The following CLASP1 variants were observed in gnomAD, a reference collection of about 807,000 sequenced individuals.
CLASP1 encodes the protein cytoplasmic linker associated protein 1, also known as CLIP-associating protein 1.
A neutral mutation model predicts 192.3 loss-of-function variants in CLASP1; 38 were observed. The observed-to-expected ratio is 0.20, with a 90% CI of 0.15 to 0.26. The LOEUF is 0.26. CLASP1 is among the 10% of genes least tolerant of loss of function. The pLI, the probability that CLASP1 is intolerant of heterozygous loss-of-function variation, is 1.00. For missense variants in CLASP1, 1,433 were observed against 1,932.5 expected, an observed-to-expected ratio of 0.74 and a Z score of 4.85; for synonymous variants, 691 against 712.8, an observed-to-expected ratio of 0.97 and a Z score of 0.49.
chr2:121,429,942 C>T, intron 20 of CLASP1, 131 bp downstream of exon 20: 2 of 647,208 alleles, frequency 3.1e-6, no homozygotes, highest in South Asian at 4.1e-5. Flanking sequence ...TAAGATTACT[C>T]ACAGTATCTC....
In CLASP1 at chr2:121,550,234, G is replaced by A. The variant is rs544954683; in HGVS notation, c.196-19909C>T. The stretch of plus-strand genomic sequence containing the variant: ...AAGATACAACATATCAGAATCTCTG[G>A]GACACAGCTAAGACAGTGTTAAGAC... On this transcript the variant is annotated intron_variant, in intron 2 of 39. Transcript: ENST00000263710. Among the ~76,000 whole-genome samples, 19 of 152,058 alleles carry A rather than the reference G, an allele frequency of 1.2e-4. No individual in the cohort carries two copies. The South Asian group carries it at 3.9e-3, about 32-fold the overall frequency.
chr2:121,564,464 T>C (rs1559624860), intron 2 of CLASP1, among the ~76,000 whole-genome samples: 1 of 152,188 alleles, frequency 6.6e-6, no homozygotes, highest in African/African-American at 2.4e-5. Context: ...GAAAGGGCCT[T>C]GGTCATCACC....
chr2:121,599,311 C>T (rs1307315529), intron 2 of CLASP1, among the ~76,000 whole-genome samples: 3 of 149,888 alleles, frequency 2.0e-5, no homozygotes, highest in South Asian at 2.1e-4. Context: ...AAAAAACAGC[C>T]GGGCACGGTG....
chr2:121,370,449 C>A (rs749280183), intron 34 of CLASP1, among the ~76,000 whole-genome samples: 10 of 152,158 alleles, frequency 6.6e-5, no homozygotes, highest in Non-Finnish European at 1.3e-4. Context: ...CCTCAGCCTC[C>A]CAAGGAGCTG....
intron 1 of CLASP1, among the ~76,000 whole-genome samples, chr2:121,627,652 G>A (rs1158315728): frequency 6.6e-6 from 1 of 152,194 alleles, no homozygotes; most frequent in Non-Finnish European, 1.5e-5. Context: ...TGTTTACCTT[G>A]CTTAGGCAAG....
chr2:121,346,313 C>A (rs1211442504), intron 39 of CLASP1, among the ~76,000 whole-genome samples: 2 of 152,234 alleles, frequency 1.3e-5, no homozygotes, highest in Non-Finnish European at 2.9e-5. Context: ...CCTCTCCTGC[C>A]ACAGCATAAG....
At chr2:121,441,391 A>T (rs2083314978) in intron 19 of CLASP1, among the ~76,000 whole-genome samples, 1 of 152,174 alleles carries the variant, frequency 6.6e-6, no homozygotes, top group Non-Finnish European at 1.5e-5. Flanking sequence ...GAGGAACTTG[A>T]TCATTTCTAC....
At chr2:121,547,597 T>G (rs1002337106) in intron 2 of CLASP1, among the ~76,000 whole-genome samples, 1 of 151,806 alleles carries the variant, frequency 6.6e-6, no homozygotes, top group Admixed American at 6.6e-5. Context: ...ACATAAACAC[T>G]GAGATTGTCC....
rs6742880 is a variant in CLASP1, at chr2:121,498,301, G to A, written c.712+4866C>T. Among the ~76,000 whole-genome samples the A allele has an allele frequency of 5.1e-3, 746 of 145,994 alleles. 8 individuals are homozygous for A. Among genetic ancestry groups the A allele is most frequent in the African/African-American group, 0.019 (720 of 38,318 alleles). ...AAACCTCCGCCTCCCAAGTTCAAGC[G>A]ATCCTCCCACCTCAGGGCCACCCCA... On this transcript the variant is annotated intron_variant, in intron 8 of 39. Transcript: ENST00000263710.
intron 37 of CLASP1, among the ~76,000 whole-genome samples, chr2:121,362,294 C>G (rs1054930368): frequency 6.6e-6 from 1 of 152,248 alleles, no homozygotes; most frequent in African/African-American, 2.4e-5. Flanking sequence ...TGGACAGCTC[C>G]TGCCACCTCC....
chr2:121,392,111 T>C (rs1347409899), intron 30 of CLASP1, among the ~76,000 whole-genome samples: 1 of 152,244 alleles, frequency 6.6e-6, no homozygotes, highest in Non-Finnish European at 1.5e-5. Context: ...TTTATACTTC[T>C]AGGTTTCTTC....
rs760890423 is a variant in CLASP1, at chr2:121,448,942, G to A, written c.1691+11C>T. The A allele has an allele frequency of 3.4e-5, 54 of 1,606,916 alleles. 2 individuals are homozygous for A. In the Middle Eastern group the frequency reaches 2.5e-3, roughly 74 times the overall value. Reference sequence around the variant, plus strand: ...TCTCACATGAATGATAAGCAAAGATGAATCTCTTACTTTAGACTCTCTTGA... The same window carrying A: ...TCTCACATGAATGATAAGCAAAGATAAATCTCTTACTTTAGACTCTCTTGA... On this transcript the variant is annotated intron_variant, in intron 17 of 39. Transcript: ENST00000263710.
chr2:121,380,895 A>G (rs2071480508), intron 33 of CLASP1, among the ~76,000 whole-genome samples: 1 of 152,176 alleles, frequency 6.6e-6, no homozygotes, highest in Non-Finnish European at 1.5e-5. Context: ...TAGGAATGGG[A>G]TGTGCTCTGG....
intron 8 of CLASP1, among the ~76,000 whole-genome samples, chr2:121,500,413 G>GA (rs1306285861): frequency 1.1e-4 from 15 of 132,572 alleles, no homozygotes; most frequent in African/African-American, 3.9e-4. Context: ...AAGAAAGAAA[G>GA]AAAAAAAAGA....
rs550653832 is a variant in CLASP1 at position 121,612,101 on chromosome 2, A to T, written c.-285-5921T>A. Among the ~76,000 whole-genome samples, 104 of 150,172 alleles carry T rather than the reference A, an allele frequency of 6.9e-4. 1 individual carries two copies. Among genetic ancestry groups the T allele is most frequent in the Non-Finnish European group, 1.3e-3 (87 of 67,472 alleles). On this transcript the variant is annotated intron_variant, in intron 1 of 39. Coordinates refer to ENST00000263710, the Ensembl canonical transcript of CLASP1. ...GAGTTGGAGGAGTTACAGGAGAAAG[A>T]GGAACTGGAGGAGGAGGAGGAGTTA... is the stretch of plus-strand genomic sequence containing the variant.
intron 1 of CLASP1, among the ~76,000 whole-genome samples, chr2:121,640,279 C>T (rs1034266952): frequency 6.6e-6 from 1 of 152,086 alleles, no homozygotes; most frequent in African/African-American, 2.4e-5. Context: ...AAATGACAGG[C>T]TGATGGGTGC....
intron 33 of CLASP1, among the ~76,000 whole-genome samples, chr2:121,381,394 A>C (rs529107165): frequency 6.6e-6 from 1 of 152,160 alleles, no homozygotes; most frequent in African/African-American, 2.4e-5. Context: ...TGGACTGCCC[A>C]GTGCTCTAAC....
chr2:121,511,745 C>T lies in CLASP1; in HGVS notation c.644+3920G>A, dbSNP rs1035601397. Among the ~76,000 whole-genome samples, 5 of 152,062 alleles carry T rather than the reference C, an allele frequency of 3.3e-5. No homozygotes were observed. The East Asian group carries it at 7.7e-4, about 23-fold the overall frequency. ...AAGGATCAATAAAAACAGTTGACAG[C>T]GTTTGCCTCTGAGGAGCAGAAAAAG... On this transcript the variant is annotated intron_variant, in intron 7 of 39. Coordinates refer to ENST00000263710, the Ensembl canonical transcript of CLASP1.
chr2:121,342,471 GC>G (rs962694911), intron 39 of CLASP1, among the ~76,000 whole-genome samples: 6 of 152,030 alleles, frequency 3.9e-5, no homozygotes, highest in Non-Finnish European at 8.8e-5. Flanking sequence ...TGGGGATGCA[GC>G]AAAAACAGTG....
Sources: gnomAD v4.1 joint callset for allele counts (sites outside exome capture counted in the v4.1 genomes callset) on GRCh38, gnomAD v4.1.1 for gene constraint, MANE v1.5 for transcripts, NCBI Gene and HGNC (gene_info 2026-07-23, HGNC 2026-07-21) for gene names.